The following PTPRM variants were observed in gnomAD, a reference collection of about 807,000 sequenced individuals.
PTPRM encodes protein tyrosine phosphatase receptor type M.
Under a neutral mutation model 186.7 loss-of-function variants are expected in PTPRM, and 47 were observed. The observed-to-expected ratio is 0.25, with a 90% CI of 0.20 to 0.32. PTPRM has a LOEUF of 0.32. Ranked by LOEUF, PTPRM falls within the 10% of genes least tolerant of loss-of-function variation. The pLI is 1.00. For missense variants in PTPRM, 1,494 were observed against 1,865.0 expected (o/e 0.80, Z 3.66); for synonymous variants, 668 against 674.9 (o/e 0.99, Z 0.16).
At chr18:8,213,764 A>G (rs997918697) in intron 14 of PTPRM, among the ~76,000 whole-genome samples, 2 of 152,192 alleles carry the variant, frequency 1.3e-5, no homozygotes, top group Non-Finnish European at 2.9e-5. Flanking sequence ...GTATGTAACC[A>G]AAGGAAAATA....
chr18:8,254,308 CAGA>C (rs2094555005), intron 19 of PTPRM, among the ~76,000 whole-genome samples: 2 of 152,294 alleles, frequency 1.3e-5, no homozygotes, highest in South Asian at 4.1e-4. Flanking sequence ...TTAATTCTGT[CAGA>C]AGGTCATTCA....
chr18:7,686,500 A>G lies in PTPRM; in HGVS notation c.74-87649A>G, dbSNP rs1325447587. Reference sequence around the variant, plus strand: ...TTTCAGGCATATTCTTATTTGCATAATATCAATGAAATCCTTTGACTAGTG... The same window carrying G: ...TTTCAGGCATATTCTTATTTGCATAGTATCAATGAAATCCTTTGACTAGTG... On this transcript the variant is annotated intron_variant, in intron 1 of 32. Coordinates refer to ENST00000580170, the MANE Select transcript of PTPRM (RefSeq NM_001105244.2). 2.6e-5 allele frequency among the ~76,000 whole-genome samples: 4 copies of G among 152,100 alleles called. No individual in the cohort carries two copies. The South Asian group carries it at 6.2e-4, about 24-fold the overall frequency.
intron 2 of PTPRM, among the ~76,000 whole-genome samples, chr18:7,884,397 T>C (rs997620802): frequency 1.3e-5 from 2 of 152,112 alleles, no homozygotes; most frequent in African/African-American, 2.4e-5. Context: ...CAGAGACTTT[T>C]CCTCTAAAAG....
intron 7 of PTPRM, among the ~76,000 whole-genome samples, chr18:7,975,843 A>G (rs1396246069): frequency 1.3e-5 from 2 of 152,164 alleles, no homozygotes; most frequent in African/African-American, 4.8e-5. Context: ...TGTTCACACA[A>G]TGATGAAATC....
chr18:8,341,198 T>C (rs2095472485), intron 22 of PTPRM, among the ~76,000 whole-genome samples: 1 of 152,208 alleles, frequency 6.6e-6, no homozygotes, highest in African/African-American at 2.4e-5. Flanking sequence ...ATCTTAGAAA[T>C]GTAAGTCGAG....
At chr18:7,879,638 A>C (rs929326703) in intron 2 of PTPRM, among the ~76,000 whole-genome samples, 7 of 152,218 alleles carry the variant, frequency 4.6e-5, no homozygotes, top group African/African-American at 1.7e-4. Context: ...TAAATTGACA[A>C]TTGAATATCT....
intron 22 of PTPRM, among the ~76,000 whole-genome samples, chr18:8,330,374 AT>A (rs2095405540): frequency 6.6e-6 from 1 of 152,182 alleles, no homozygotes. Context: ...GCCATGGAAA[AT>A]TTGAGACTGT....
chr18:8,125,842 G>A (rs1448746730), intron 13 of PTPRM, among the ~76,000 whole-genome samples: 1 of 151,116 alleles, frequency 6.6e-6, no homozygotes, highest in African/African-American at 2.4e-5. Flanking sequence ...AGCTATACAT[G>A]GTAGGAATTT....
chr18:8,302,354 AGGCTGG>A (rs1316322751), intron 20 of PTPRM, among the ~76,000 whole-genome samples: 2 of 152,054 alleles, frequency 1.3e-5, no homozygotes, highest in Non-Finnish European at 2.9e-5. Context: ...AACTAAAGGA[AGGCTGG>A]GTGGCTGGAG....
chr18:8,289,617 T>TACACATATATATATAC (rs1568675833), intron 19 of PTPRM, among the ~76,000 whole-genome samples: 1 of 109,288 alleles, frequency 9.2e-6, no homozygotes, highest in East Asian at 2.2e-4. Context: ...CATATATATA[T>TACACATATATATATAC]ACACATATAT....
At chr18:7,926,738 C>T (rs1203883447) in intron 5 of PTPRM, 55 bp downstream of exon 5, 7 of 1,343,232 alleles carry the variant, frequency 5.2e-6, no homozygotes, top group South Asian at 1.4e-5. Context: ...GAATACACTC[C>T]CCCTGGAGGA....
At chr18:8,063,669 T>G (rs1277821817) in intron 7 of PTPRM, among the ~76,000 whole-genome samples, 1 of 152,186 alleles carries the variant, frequency 6.6e-6, no homozygotes. Context: ...ACAAGTACAG[T>G]CATGCAATAT....
intron 7 of PTPRM, among the ~76,000 whole-genome samples, chr18:7,978,481 A>G (rs2055106774): frequency 6.6e-6 from 1 of 152,222 alleles, no homozygotes; most frequent in Admixed American, 6.5e-5. Flanking sequence ...TGACCATTAA[A>G]TATGCCTCGT....
intron 14 of PTPRM, among the ~76,000 whole-genome samples, chr18:8,208,415 C>T (rs4378675): frequency 0.27 from 41,342 of 151,882 alleles, 5,780 homozygotes; most frequent in Middle Eastern, 0.5. Context: ...TAGAATGTAA[C>T]TAAAATAAGT....
intron 4 of PTPRM, among the ~76,000 whole-genome samples, chr18:7,919,795 T>C (rs962584741): frequency 2.0e-5 from 3 of 152,140 alleles, no homozygotes; most frequent in South Asian, 2.1e-4. Flanking sequence ...GATTGGTCTG[T>C]TGATGTTCCC....
chr18:8,015,209 T>C (rs2147903497), intron 7 of PTPRM, among the ~76,000 whole-genome samples: 1 of 152,208 alleles, frequency 6.6e-6, no homozygotes, highest in East Asian at 1.9e-4. Context: ...TATGACAAAA[T>C]GAGACAAAAT....
At chr18:7,660,750 C>T (rs188381487) in intron 1 of PTPRM, among the ~76,000 whole-genome samples, 67 of 152,164 alleles carry the variant, frequency 4.4e-4, no homozygotes, top group African/African-American at 1.1e-3. Flanking sequence ...TGCAGTCAGA[C>T]GTGGAATTTC....
At chr18:7,621,699 C>T (rs1319703914) in intron 1 of PTPRM, among the ~76,000 whole-genome samples, 1 of 152,148 alleles carries the variant, frequency 6.6e-6, no homozygotes, top group African/African-American at 2.4e-5. Context: ...TCCAGAATGT[C>T]GTATAGTTGG....
intron 13 of PTPRM, among the ~76,000 whole-genome samples, chr18:8,142,403 T>G (rs746846084): frequency 6.6e-6 from 1 of 152,122 alleles, no homozygotes; most frequent in Non-Finnish European, 1.5e-5. Flanking sequence ...GTATAAAATC[T>G]CACCAGGAAT....
Sources: gnomAD v4.1 joint callset for allele counts (sites outside exome capture counted in the v4.1 genomes callset) on GRCh38, gnomAD v4.1.1 for gene constraint, MANE v1.5 for transcripts, NCBI Gene and HGNC (gene_info 2026-07-23, HGNC 2026-07-21) for gene names.